The following CHRM3 variants were observed in gnomAD, a reference collection of about 807,000 sequenced individuals.
CHRM3 encodes cholinergic receptor muscarinic 3, also known as muscarinic acetylcholine receptor M3.
Under a neutral mutation model 41.8 loss-of-function variants are expected in CHRM3, and 11 were observed. The observed-to-expected ratio is 0.26, with a 90% CI of 0.17 to 0.44. CHRM3 has a LOEUF of 0.44. CHRM3 is among the 20% of genes least tolerant of loss of function. CHRM3 has a pLI of 1.00. For synonymous variants in CHRM3, 297 were observed against 301.4 expected, an observed-to-expected ratio of 0.99 and a Z score of 0.15; for missense variants, 571 against 745.4, an observed-to-expected ratio of 0.77 and a Z score of 2.72.
intron 3 of CHRM3, among the ~76,000 whole-genome samples, chr1:239,596,043 G>A (rs190799873): frequency 3.2e-4 from 48 of 152,220 alleles, no homozygotes; most frequent in Non-Finnish European, 5.0e-4. Context: ...TTACCTGGAT[G>A]TATTTATAAA....
At chr1:239,767,195 A>AT (rs1478020361) in intron 5 of CHRM3, among the ~76,000 whole-genome samples, 1 of 152,018 alleles carries the variant, frequency 6.6e-6, no homozygotes, top group East Asian at 1.9e-4. Context: ...GGCTGGCGTG[A>AT]TTTTTTTTAA....
intron 5 of CHRM3, among the ~76,000 whole-genome samples, chr1:239,773,713 C>T (rs935834683): frequency 6.6e-6 from 1 of 152,172 alleles, no homozygotes; most frequent in African/African-American, 2.4e-5. Flanking sequence ...AATCACTAGT[C>T]AAGGGAAATA....
At chr1:239,663,476 C>T (rs1185808228) in intron 4 of CHRM3, among the ~76,000 whole-genome samples, 1 of 152,158 alleles carries the variant, frequency 6.6e-6, no homozygotes, top group Non-Finnish European at 1.5e-5. Context: ...TGCCGGTGCC[C>T]TCAGAGTCGA....
intron 2 of CHRM3, among the ~76,000 whole-genome samples, chr1:239,528,028 A>T (rs1670116929): frequency 6.6e-6 from 1 of 152,200 alleles, no homozygotes; most frequent in African/African-American, 2.4e-5. Flanking sequence ...GGCTTACTTA[A>T]CAACTCCATC....
chr1:239,554,521 T>A (rs1353586092), intron 3 of CHRM3, among the ~76,000 whole-genome samples: 1 of 152,040 alleles, frequency 6.6e-6, no homozygotes. Flanking sequence ...TCATTAAATA[T>A]ATGTATACAA....
intron 3 of CHRM3, among the ~76,000 whole-genome samples, chr1:239,563,606 C>T (rs1258815923): frequency 3.9e-5 from 6 of 151,952 alleles, no homozygotes; most frequent in South Asian, 2.1e-4. Flanking sequence ...ACTACAGCAG[C>T]GATTTGTTTC....
chr1:239,744,002 G>A (rs1275622078), intron 5 of CHRM3, among the ~76,000 whole-genome samples: 1 of 148,860 alleles, frequency 6.7e-6, no homozygotes. Context: ...TAGAGACAGG[G>A]TCTTGCTATG....
chr1:239,542,306 T>C (rs1658858227), intron 2 of CHRM3, among the ~76,000 whole-genome samples: 1 of 152,162 alleles, frequency 6.6e-6, no homozygotes, highest in Non-Finnish European at 1.5e-5. Context: ...TTCAAATGAA[T>C]AGCAGTTTAC....
rs12080489 is a variant in CHRM3, at chr1:239,828,091, G to T, written c.-20+713G>T. ...CAATGGTGAAGTAAACACAGCTACT[G>T]CTCCCTTTGAGATTCTGTTTCTGTT... On this transcript the variant is annotated intron_variant, in intron 6 of 6. Transcript: ENST00000676153. Among the ~76,000 whole-genome samples the T allele has an allele frequency of 3.8e-3, 575 of 152,240 alleles. 4 individuals are homozygous for T. The highest frequency in any genetic ancestry group is 0.013 in the African/African-American group (545 of 41,548).
chr1:239,471,357 C>T (rs971421840), intron 1 of CHRM3, among the ~76,000 whole-genome samples: 1 of 152,062 alleles, frequency 6.6e-6, no homozygotes, highest in Non-Finnish European at 1.5e-5. Context: ...AGAGTAAAGA[C>T]GTTAATTACA....
At chr1:239,619,302 A>T (rs900211448) in intron 3 of CHRM3, among the ~76,000 whole-genome samples, 2 of 152,234 alleles carry the variant, frequency 1.3e-5, no homozygotes, top group African/African-American at 2.4e-5. Flanking sequence ...GCATGAAAAG[A>T]CCAAGGCCCT....
rs1347135962 is a variant in CHRM3 at position 239,908,632 on chromosome 1, A to C, written c.1181A>C (p.Glu394Ala). The C allele has an allele frequency of 3.1e-6, 5 of 1,611,386 alleles. No homozygotes were observed. In the East Asian group the frequency reaches 1.1e-4, roughly 36 times the overall value. The change falls in exon 7 of 7, where the codon GAG (glutamate) becomes GCG (alanine). Residue 394 changes from glutamate to alanine, a missense_variant. Glu to Ala is a moderately radical substitution (Grantham distance 107). Transcript: ENST00000676153. The surrounding 1 kb of genome is among the most constrained non-coding windows in gnomAD (Gnocchi z 7.2). Reference protein sequence around the residue: ...PSSDNLQVPEEELGMVDLERK... With the variant: ...PSSDNLQVPEAELGMVDLERK... ...TCGGACAACCTGCAGGTGCCTGAGG[A>C]GGAGCTGGGGATGGTGGACTTGGAG...
intron 6 of CHRM3, among the ~76,000 whole-genome samples, chr1:239,879,695 G>A (rs79075546): frequency 0.013 from 1,948 of 152,272 alleles, 28 homozygotes; most frequent in South Asian, 0.033. Context: ...AGAGAGGAGA[G>A]AGAAATGCCC....
At chr1:239,458,887 A>AC (rs3028697) in intron 1 of CHRM3, among the ~76,000 whole-genome samples, 155 of 150,688 alleles carry the variant, frequency 1.0e-3, no homozygotes, top group South Asian at 4.8e-3. Flanking sequence ...GAAATGGGAG[A>AC]CCCCCCCCCA....
chr1:239,432,673 C>G (rs12141057), intron 1 of CHRM3, among the ~76,000 whole-genome samples: 1 of 151,930 alleles, frequency 6.6e-6, no homozygotes, highest in Non-Finnish European at 1.5e-5. Flanking sequence ...GATAAAGGAA[C>G]GTATGAAAAT....
chr1:239,742,291 C>G (rs1027910306), intron 5 of CHRM3, among the ~76,000 whole-genome samples: 17 of 150,146 alleles, frequency 1.1e-4, no homozygotes, highest in African/African-American at 3.9e-4. Flanking sequence ...GTAACCATTG[C>G]TCGTATTTCT....
At chr1:239,550,970 C>A (rs141689815) in intron 3 of CHRM3, among the ~76,000 whole-genome samples, 2 of 151,816 alleles carry the variant, frequency 1.3e-5, no homozygotes, top group Middle Eastern at 3.2e-3. Flanking sequence ...TTTTGTTCAA[C>A]ATTCCAGGCT....
intron 5 of CHRM3, among the ~76,000 whole-genome samples, chr1:239,740,953 T>G (rs1403231770): frequency 2.0e-5 from 3 of 152,184 alleles, no homozygotes; most frequent in African/African-American, 7.2e-5. Flanking sequence ...TTTTGAATGA[T>G]TCTCTTAGCT....
chr1:239,435,240 A>G (rs112532534), intron 1 of CHRM3, among the ~76,000 whole-genome samples: 24,622 of 152,084 alleles, frequency 0.16, 2,630 homozygotes, highest in Non-Finnish European at 0.22. Context: ...TCACGAGGTC[A>G]GGAGTTTGAG....
Sources: gnomAD v4.1 joint callset for allele counts (sites outside exome capture counted in the v4.1 genomes callset) on GRCh38, gnomAD v4.1.1 for gene constraint, Gnocchi (gnomAD v3.1) non-coding constraint, MANE v1.5 for transcripts, NCBI Gene and HGNC (gene_info 2026-07-23, HGNC 2026-07-21) for gene names.